Variants in KCNIP4 observed in about 807,000 individuals in gnomAD.
KCNIP4 encodes Kv channel-interacting protein 4.
Under a neutral mutation model 34.0 loss-of-function variants are expected in KCNIP4, and 12 were observed. The observed-to-expected ratio is 0.35, with a 90% CI of 0.23 to 0.57. KCNIP4 has a LOEUF of 0.57. KCNIP4 is among the 20% of genes least tolerant of loss of function. The probability of loss-of-function intolerance (pLI) is 0.83; values close to 1 mark genes in which losing one functional copy is unlikely to be tolerated. For synonymous variants in KCNIP4, 124 were observed against 102.2 expected, an observed-to-expected ratio of 1.21 and a Z score of -1.29; for missense variants, 238 against 311.7, an observed-to-expected ratio of 0.76 and a Z score of 1.78.
intron 5 of KCNIP4, among the ~76,000 whole-genome samples, chr4:20,735,154 A>T (rs984855488): frequency 1.3e-5 from 2 of 152,252 alleles, no homozygotes; most frequent in Non-Finnish European, 2.9e-5. Flanking sequence ...TCCATAAAAG[A>T]TAAACCAATT....
At chr4:21,411,666 C>T (rs1262983671) in intron 1 of KCNIP4, among the ~76,000 whole-genome samples, 3 of 151,998 alleles carry the variant, frequency 2.0e-5, no homozygotes, top group Non-Finnish European at 4.4e-5. Context: ...AACAAATAAA[C>T]AAACAAACAA....
chr4:20,974,388 A>G (rs1352768845), intron 1 of KCNIP4, among the ~76,000 whole-genome samples: 1 of 152,162 alleles, frequency 6.6e-6, no homozygotes, highest in Non-Finnish European at 1.5e-5. Context: ...TTCAGATTAG[A>G]AAGAAAGGGT....
intron 1 of KCNIP4, among the ~76,000 whole-genome samples, chr4:21,472,170 T>C (rs752497072): frequency 4.6e-5 from 7 of 152,146 alleles, no homozygotes; most frequent in Non-Finnish European, 8.8e-5. Flanking sequence ...GCATCTTTCC[T>C]AGGGATCTAT....
intron 1 of KCNIP4, among the ~76,000 whole-genome samples, chr4:20,911,158 A>T (rs1369612284): frequency 6.6e-6 from 1 of 152,206 alleles, no homozygotes; most frequent in Non-Finnish European, 1.5e-5. Context: ...CTTTCTTCTT[A>T]CTAAACAAGG....
At chr4:21,290,867 G>A (rs772828381) in intron 1 of KCNIP4, among the ~76,000 whole-genome samples, 5 of 152,148 alleles carry the variant, frequency 3.3e-5, no homozygotes, top group Admixed American at 1.3e-4. Flanking sequence ...GCACATTACC[G>A]TGCCCTTATG....
chr4:21,834,463 A>T (rs563632361), intron 1 of KCNIP4, among the ~76,000 whole-genome samples: 1 of 152,306 alleles, frequency 6.6e-6, no homozygotes, highest in South Asian at 2.1e-4. Context: ...ACTTTGTTGA[A>T]GTTGCTTATC....
chr4:20,952,206 C>T (rs1485037786), intron 1 of KCNIP4, among the ~76,000 whole-genome samples: 1 of 151,966 alleles, frequency 6.6e-6, no homozygotes, highest in Non-Finnish European at 1.5e-5. Context: ...TTAAATATTT[C>T]AACCATAATC....
At chr4:20,912,512 C>T (rs991227754) in intron 1 of KCNIP4, among the ~76,000 whole-genome samples, 2 of 152,038 alleles carry the variant, frequency 1.3e-5, no homozygotes, top group African/African-American at 4.8e-5. Context: ...AGTAAGCAAG[C>T]AACCAAACAA....
At chr4:21,198,218 C>T (rs1173468536) in intron 1 of KCNIP4, among the ~76,000 whole-genome samples, 1 of 152,172 alleles carries the variant, frequency 6.6e-6, no homozygotes, top group Non-Finnish European at 1.5e-5. Context: ...GACATGTTTT[C>T]TAAACTCTCC....
At chr4:21,157,746 T>C (rs10461082) in intron 1 of KCNIP4, among the ~76,000 whole-genome samples, 14,030 of 152,142 alleles carry the variant, frequency 0.092, 803 homozygotes, top group East Asian at 0.19. Flanking sequence ...ATCAATAGCC[T>C]TAACTTCTAC....
chr4:21,104,374 T>C (rs1748275718), intron 1 of KCNIP4, among the ~76,000 whole-genome samples: 1 of 152,234 alleles, frequency 6.6e-6, no homozygotes, highest in Admixed American at 6.5e-5. Context: ...ATGTGTCTGT[T>C]GGCTGCACAA....
At chr4:21,907,271 A>G (rs1728057043) in intron 1 of KCNIP4, among the ~76,000 whole-genome samples, 2 of 151,480 alleles carry the variant, frequency 1.3e-5, no homozygotes, top group African/African-American at 4.9e-5. Context: ...TACTGAAAAG[A>G]GTGGGTTGCT....
chr4:21,857,258 A>C (rs974108860), intron 1 of KCNIP4, among the ~76,000 whole-genome samples: 1 of 152,200 alleles, frequency 6.6e-6, no homozygotes, highest in Non-Finnish European at 1.5e-5. Flanking sequence ...TGACATGACC[A>C]CCAGCTGCAG....
chr4:21,324,951 T>C (rs1560291302), intron 1 of KCNIP4, among the ~76,000 whole-genome samples: 1 of 152,110 alleles, frequency 6.6e-6, no homozygotes, highest in East Asian at 1.9e-4. Flanking sequence ...GTTTTATGGT[T>C]TTCATTGTAG....
chr4:21,917,864 T>C (rs1728728285), intron 1 of KCNIP4, among the ~76,000 whole-genome samples: 1 of 152,208 alleles, frequency 6.6e-6, no homozygotes, highest in South Asian at 2.1e-4. Context: ...GTAGTTTCTC[T>C]CAGTAATCAA....
chr4:21,373,422 C>T (rs1312273645), intron 1 of KCNIP4, among the ~76,000 whole-genome samples: 1 of 147,482 alleles, frequency 6.8e-6, no homozygotes, highest in Non-Finnish European at 1.5e-5. Flanking sequence ...CAACTTTCAA[C>T]TAAAAAGGTC....
intron 1 of KCNIP4, among the ~76,000 whole-genome samples, chr4:21,352,195 C>T (rs1718073096): frequency 1.3e-5 from 2 of 152,292 alleles, no homozygotes; most frequent in South Asian, 4.1e-4. Context: ...CGGTCTGCAG[C>T]TCCCAGTGTG....
intron 1 of KCNIP4, among the ~76,000 whole-genome samples, chr4:21,706,683 C>T (rs1243140650): frequency 6.6e-6 from 1 of 152,020 alleles, no homozygotes; most frequent in Non-Finnish European, 1.5e-5. Context: ...GTAGTGATTC[C>T]CAAGAAGACT....
chr4:21,563,167 T>C (rs1331902133), intron 1 of KCNIP4, among the ~76,000 whole-genome samples: 1 of 151,972 alleles, frequency 6.6e-6, no homozygotes, highest in Admixed American at 6.6e-5. Flanking sequence ...AGATTTTTTT[T>C]AAAGATAGGT....
Sources: allele counts gnomAD v4.1 joint callset (sites outside exome capture counted in the v4.1 genomes callset), GRCh38; gene constraint gnomAD v4.1.1; transcripts MANE v1.5; gene names NCBI Gene and HGNC (gene_info 2026-07-23, HGNC 2026-07-21).